The following GRID2 variants were observed in gnomAD, a reference collection of about 807,000 sequenced individuals.
GRID2 encodes glutamate ionotropic receptor delta type subunit 2.
Under a neutral mutation model 114.8 loss-of-function variants are expected in GRID2, and 33 were observed. The observed-to-expected ratio is 0.29, with a 90% CI of 0.22 to 0.38. GRID2 has a LOEUF of 0.38. GRID2 is among the 10% of genes least tolerant of loss of function. GRID2 has a pLI of 1.00. For synonymous variants in GRID2, 505 were observed against 449.9 expected (o/e 1.12, Z -1.55); for missense variants, 1,184 against 1,257.7 (o/e 0.94, Z 0.89).
chr4:92,492,955 C>A (rs1047971458), intron 1 of GRID2, among the ~76,000 whole-genome samples: 2 of 151,602 alleles, frequency 1.3e-5, no homozygotes, highest in East Asian at 2.0e-4. Context: ...ATGGTGAAAC[C>A]CCGTCTCTAC....
chr4:93,679,890 A>G (rs1725330873), intron 14 of GRID2, among the ~76,000 whole-genome samples: 1 of 151,172 alleles, frequency 6.6e-6, no homozygotes, highest in African/African-American at 2.5e-5. Flanking sequence ...GAGCAAACAC[A>G]TTCAAAAGCC....
chr4:92,385,523 A>T (rs1729906008), intron 1 of GRID2, among the ~76,000 whole-genome samples: 1 of 151,492 alleles, frequency 6.6e-6, no homozygotes, highest in African/African-American at 2.4e-5. Context: ...CGCTATGAAA[A>T]CTCTCATGTC....
At chr4:93,592,658 GT>G (rs1490189785) in intron 13 of GRID2, among the ~76,000 whole-genome samples, 3 of 152,104 alleles carry the variant, frequency 2.0e-5, no homozygotes, top group African/African-American at 7.2e-5. Flanking sequence ...ACAGTGGGGT[GT>G]TAAAGTCTCC....
At chr4:93,714,997 T>C (rs1180840658) in intron 14 of GRID2, among the ~76,000 whole-genome samples, 1 of 152,218 alleles carries the variant, frequency 6.6e-6, no homozygotes, top group African/African-American at 2.4e-5. Flanking sequence ...CCTCATGAAA[T>C]CATTTCCCAT....
chr4:92,482,025 T>TAA (rs1247047390), intron 1 of GRID2, among the ~76,000 whole-genome samples: 2 of 68,112 alleles, frequency 2.9e-5, no homozygotes, highest in Non-Finnish European at 3.2e-5. Flanking sequence ...TATATATATA[T>TAA]ATATATATAA....
In GRID2 at chr4:92,476,023, C is replaced by CTTT. The variant is rs752757998; in HGVS notation, c.89-114092_89-114090dup. On this transcript the variant is annotated intron_variant, in intron 1 of 15. Coordinates refer to ENST00000282020, the MANE Select transcript of GRID2 (RefSeq NM_001510.4). ...TACTGATTTAAGAAATTCAGTGCTT[C>CTTT]TTTTTTTTTTTTTTTTTTGTGACGG... 2.2e-3 allele frequency among the ~76,000 whole-genome samples: 279 copies of CTTT among 125,084 alleles called. 6 individuals are homozygous for CTTT. The highest frequency in any genetic ancestry group is 8.8e-3 in the Middle Eastern group (2 of 226). The allele number at this position is 125,084 out of a possible 152,430, so 82.1% of individuals were successfully genotyped here.
intron 2 of GRID2, among the ~76,000 whole-genome samples, chr4:92,985,782 G>C (rs955840539): frequency 1.1e-4 from 17 of 152,132 alleles, no homozygotes; most frequent in Admixed American, 3.9e-4. Context: ...GATTGAGTCA[G>C]ATGTTGTCAC....
At chr4:93,253,077 G>A (rs1385853756) in intron 8 of GRID2, among the ~76,000 whole-genome samples, 6 of 137,902 alleles carry the variant, frequency 4.4e-5, no homozygotes, top group Non-Finnish European at 1.5e-5. Context: ...GTGAAACCCC[G>A]TCTCTACTAA....
intron 2 of GRID2, among the ~76,000 whole-genome samples, chr4:92,596,174 C>A (rs986867123): frequency 6.6e-6 from 1 of 152,098 alleles, no homozygotes. Context: ...GAATTGTTGT[C>A]TGTAGGAGCT....
chr4:92,815,980 A>T (rs1740882930), intron 2 of GRID2, among the ~76,000 whole-genome samples: 1 of 151,160 alleles, frequency 6.6e-6, no homozygotes, highest in Non-Finnish European at 1.5e-5. Flanking sequence ...CCAACCAAAA[A>T]AAAAACCCCT....
intron 8 of GRID2, among the ~76,000 whole-genome samples, chr4:93,388,183 G>GT (rs1764511866): frequency 6.6e-6 from 1 of 152,124 alleles, no homozygotes; most frequent in African/African-American, 2.4e-5. Context: ...AACTACAGGT[G>GT]TTTATATTGA....
chr4:93,300,363 T>C (rs1035532045), intron 8 of GRID2, among the ~76,000 whole-genome samples: 1 of 152,212 alleles, frequency 6.6e-6, no homozygotes, highest in African/African-American at 2.4e-5. Flanking sequence ...CAAGATATAA[T>C]AAAATTAATA....
rs1486962380 is a variant in GRID2 at position 92,422,827 on chromosome 4, AAG to A, written c.88+118087_88+118088del. Among the ~76,000 whole-genome samples the A allele has an allele frequency of 5.3e-5, 8 of 152,294 alleles. No homozygotes were observed. In the East Asian group the frequency reaches 1.5e-3, roughly 29 times the overall value. On this transcript the variant is annotated intron_variant, in intron 1 of 15. Coordinates refer to ENST00000282020, the MANE Select transcript of GRID2 (RefSeq NM_001510.4). ...AAAGCAGTCTAGTCCCCAGGCAAGA[AAG>A]AGATTTGTTTTGGGAAAGAACTGTT...
At chr4:93,114,929 T>G (rs1440560646) in intron 4 of GRID2, among the ~76,000 whole-genome samples, 1 of 152,172 alleles carries the variant, frequency 6.6e-6, no homozygotes, top group Non-Finnish European at 1.5e-5. Context: ...GGATCAATGA[T>G]GTTCTGGAAT....
At chr4:93,410,075 T>G (rs551349882) in intron 9 of GRID2, among the ~76,000 whole-genome samples, 1 of 152,274 alleles carries the variant, frequency 6.6e-6, no homozygotes, top group South Asian at 2.1e-4. Flanking sequence ...ATTATATACT[T>G]TTACATTATT....
At chr4:92,370,469 G>A (rs1729068211) in intron 1 of GRID2, among the ~76,000 whole-genome samples, 1 of 152,064 alleles carries the variant, frequency 6.6e-6, no homozygotes, top group Admixed American at 6.6e-5. Context: ...GGTCAACAGA[G>A]CAAAACCCCA....
intron 2 of GRID2, among the ~76,000 whole-genome samples, chr4:92,876,741 A>G (rs1409319637): frequency 6.6e-6 from 1 of 152,208 alleles, no homozygotes; most frequent in Non-Finnish European, 1.5e-5. Flanking sequence ...TATTTTTACA[A>G]AACCCACAGG....
chr4:93,238,941 A>G (rs1403091503), intron 8 of GRID2, among the ~76,000 whole-genome samples: 3 of 151,208 alleles, frequency 2.0e-5, no homozygotes, highest in Non-Finnish European at 4.4e-5. Context: ...GTCATGTAAT[A>G]TGTAGAAAAT....
intron 1 of GRID2, among the ~76,000 whole-genome samples, chr4:92,499,615 A>G (rs772231403): frequency 2.6e-5 from 4 of 152,012 alleles, no homozygotes; most frequent in Non-Finnish European, 4.4e-5. Flanking sequence ...TTGTTTATTT[A>G]TTTATTTATT....
Sources: allele counts gnomAD v4.1 joint callset (sites outside exome capture counted in the v4.1 genomes callset), GRCh38; gene constraint gnomAD v4.1.1; transcripts MANE v1.5; gene names NCBI Gene and HGNC (gene_info 2026-07-23, HGNC 2026-07-21).